The following TBC1D19 variants were observed in gnomAD, a reference collection of about 807,000 sequenced individuals.
TBC1D19 encodes TBC1 domain family member 19.
In TBC1D19, 60 loss-of-function variants were observed where a neutral mutation model predicts 89.0. That is an observed-to-expected ratio of 0.67 (90% CI 0.55 to 0.84). TBC1D19 has a LOEUF of 0.84. Among genes scored for constraint, TBC1D19 ranks in the 40% least tolerant of loss-of-function variants. The pLI, the probability that TBC1D19 is intolerant of heterozygous loss-of-function variation, is 0.00. For synonymous variants in TBC1D19, 189 were observed against 199.7 expected, an observed-to-expected ratio of 0.95 and a Z score of 0.45; for missense variants, 500 against 610.8, an observed-to-expected ratio of 0.82 and a Z score of 1.91.
At chr4:26,685,467 A>G (rs544184761) in intron 12 of TBC1D19, among the ~76,000 whole-genome samples, 1 of 152,242 alleles carries the variant, frequency 6.6e-6, no homozygotes, top group African/African-American at 2.4e-5. Flanking sequence ...TTATACTAAC[A>G]TCATTTCCTT....
At chr4:26,848,072 G>T in the TBC1D19 span, among the ~76,000 whole-genome samples, 1 of 152,204 alleles carries the variant, frequency 6.6e-6, no homozygotes, top group Non-Finnish European at 1.5e-5. Context: ...CTGTGATATG[G>T]TGGTTAATTT....
chr4:26,636,219 T>C, intron 4 of TBC1D19, among the ~76,000 whole-genome samples: 1 of 152,014 alleles, frequency 6.6e-6, no homozygotes, highest in East Asian at 1.9e-4. Context: ...TTGGTTTCAG[T>C]GAGCCAGAAG....
At chr4:26,605,315 G>C (rs1292959312) in intron 1 of TBC1D19, among the ~76,000 whole-genome samples, 1 of 145,252 alleles carries the variant, frequency 6.9e-6, no homozygotes. Context: ...TTGGTTTTTT[G>C]TCCTTGTGAT....
At chr4:26,797,864 C>G in the TBC1D19 span, among the ~76,000 whole-genome samples, 1 of 152,124 alleles carries the variant, frequency 6.6e-6, no homozygotes, top group Non-Finnish European at 1.5e-5. Context: ...GAACCTGGAT[C>G]CCTATCTCTC....
intron 13 of TBC1D19, among the ~76,000 whole-genome samples, chr4:26,695,920 A>G (rs927440308): frequency 1.3e-5 from 2 of 152,230 alleles, no homozygotes; most frequent in African/African-American, 4.8e-5. Context: ...AATTGTAAAG[A>G]CCAGCGATAC....
At chr4:26,736,908 G>A (rs1718085769) in intron 16 of TBC1D19, among the ~76,000 whole-genome samples, 2 of 152,134 alleles carry the variant, frequency 1.3e-5, no homozygotes, top group South Asian at 4.1e-4. Flanking sequence ...ATGAAGATTA[G>A]CAAAAGGAAG....
At chr4:26,848,009 C>T in the TBC1D19 span, among the ~76,000 whole-genome samples, 4 of 152,328 alleles carry the variant, frequency 2.6e-5, no homozygotes, top group East Asian at 7.7e-4. Flanking sequence ...TATCCACTAT[C>T]AGTATGAGTC....
intron 3 of TBC1D19, among the ~76,000 whole-genome samples, chr4:26,619,560 A>G (rs976198553): frequency 6.6e-5 from 10 of 152,214 alleles, no homozygotes; most frequent in African/African-American, 2.2e-4. Context: ...TTAAAAGTGG[A>G]AGCAAATGGT....
the TBC1D19 span, among the ~76,000 whole-genome samples, chr4:26,827,477 G>A: frequency 2.0e-5 from 3 of 152,090 alleles, no homozygotes; most frequent in Non-Finnish European, 4.4e-5. Flanking sequence ...GGTGGCAGAC[G>A]CCTGCAGTTC....
At chr4:26,582,785 C>G (rs947878834), upstream of TBC1D19, among the ~76,000 whole-genome samples, 1 of 152,154 alleles carries the variant, frequency 6.6e-6, no homozygotes. Flanking sequence ...GATAAACCAA[C>G]TTTACCAAAT....
At chr4:26,740,117 G>A (rs1718269383) in intron 17 of TBC1D19, 144 bp downstream of exon 17, 4 of 443,504 alleles carry the variant, frequency 9.0e-6, no homozygotes, top group Non-Finnish European at 1.6e-5. Flanking sequence ...TTGCAAAAAT[G>A]ACAGAGAAGA....
the TBC1D19 span, among the ~76,000 whole-genome samples, chr4:26,850,676 C>T: frequency 1.3e-5 from 2 of 152,014 alleles, no homozygotes; most frequent in Non-Finnish European, 2.9e-5. Context: ...AGATCCCTTG[C>T]TCACAGTCCT....
the TBC1D19 span, among the ~76,000 whole-genome samples, chr4:26,780,444 A>G: frequency 6.6e-6 from 1 of 152,216 alleles, no homozygotes; most frequent in African/African-American, 2.4e-5. Flanking sequence ...GAACTGAAAG[A>G]GGCAATGTGG....
chr4:26,640,350 G>A (rs1743416017), intron 7 of TBC1D19, among the ~76,000 whole-genome samples, 163 bp downstream of exon 7: 1 of 152,160 alleles, frequency 6.6e-6, no homozygotes, highest in East Asian at 1.9e-4. Context: ...ATTACCCTTG[G>A]AAAATATATT....
the TBC1D19 span, among the ~76,000 whole-genome samples, chr4:26,790,123 C>G: frequency 6.6e-6 from 1 of 152,140 alleles, no homozygotes; most frequent in African/African-American, 2.4e-5. Flanking sequence ...AACACCCAGA[C>G]TCCACTAGGC....
Position 26,638,283 on chromosome 4 carries a change from T to C in TBC1D19, c.370-488T>C, listed in dbSNP as rs1322227884. ...ACTTTGGATAATATCCAAGGAAAAA[T>C]TACTGAAGGCACCAGAAGGATGGTG... On this transcript the variant is annotated intron_variant, in intron 5 of 20. Transcript: ENST00000264866. 2.0e-5 allele frequency among the ~76,000 whole-genome samples: 3 copies of C among 151,624 alleles called. 1 individual carries two copies. The highest frequency in any genetic ancestry group is 4.9e-5 in the African/African-American group (2 of 40,940).
intron 15 of TBC1D19, among the ~76,000 whole-genome samples, chr4:26,735,110 A>ATGTATACACATGTGTGTGTATATT (rs1454126171): frequency 2.0e-5 from 3 of 151,286 alleles, no homozygotes; most frequent in Admixed American, 6.6e-5. Flanking sequence ...ATATGTATAT[A>ATGTATACACATGTGTGTGTATATT]TGTATACACA....
At chr4:26,756,305 TA>T (rs1423065032), downstream of TBC1D19, among the ~76,000 whole-genome samples, 2 of 152,236 alleles carry the variant, frequency 1.3e-5, no homozygotes, top group African/African-American at 4.8e-5. Flanking sequence ...CCATGACTAT[TA>T]TCTACTCTGA....
At chr4:26,700,484 T>A (rs1411855986) in intron 13 of TBC1D19, among the ~76,000 whole-genome samples, 2 of 152,176 alleles carry the variant, frequency 1.3e-5, no homozygotes, top group African/African-American at 4.8e-5. Context: ...GGCCTTCATA[T>A]TATTGTCATT....
Sources: gnomAD v4.1 joint callset for allele counts (sites outside exome capture counted in the v4.1 genomes callset) on GRCh38, gnomAD v4.1.1 for gene constraint, MANE v1.5 for transcripts, NCBI Gene and HGNC (gene_info 2026-07-23, HGNC 2026-07-21) for gene names.